Variants in SHMT1 observed in about 807,000 individuals in gnomAD.
SHMT1 encodes serine hydroxymethyltransferase 1.
Under a neutral mutation model 49.0 loss-of-function variants are expected in SHMT1, and 45 were observed. The ratio of observed to expected loss-of-function variants is 0.92; its 90% CI spans 0.72 to 1.18. SHMT1 has a LOEUF of 1.18. Among genes scored for constraint, SHMT1 ranks in the 50% most tolerant of loss-of-function variants. The pLI is 0.00. For synonymous variants in SHMT1, 232 were observed against 246.6 expected, an observed-to-expected ratio of 0.94 and a Z score of 0.55; for missense variants, 541 against 612.4, an observed-to-expected ratio of 0.88 and a Z score of 1.23.
chr17:18,334,949 C>T (rs1181424017), intron 8 of SHMT1, among the ~76,000 whole-genome samples: 1 of 152,202 alleles, frequency 6.6e-6, no homozygotes, highest in African/African-American at 2.4e-5. Context: ...AGTGCTTGTG[C>T]GTCTCCTGAG....
chr17:18,363,271 CG>C (rs1481347235), intron 1 of SHMT1, 100 bp downstream of exon 1: 2 of 151,256 alleles, frequency 1.3e-5, no homozygotes, highest in Non-Finnish European at 3.0e-5. Context: ...TGGGGTACGG[CG>C]GGGGACAGCG....
At position 18,328,403 on chromosome 17, in the gene SHMT1, G is replaced by C; in HGVS notation, c.*347C>G. ...AGCAAGGCGGAGGAAAGCCCAGGGA[G>C]AGTAAAACGCTACAATCTTTCTAAC... On this transcript the variant is annotated 3_prime_UTR_variant, in exon 12 of 12. Transcript: ENST00000316694. 1 of 340,204 alleles carries C rather than the reference G, an allele frequency of 2.9e-6. No homozygotes were observed. Among genetic ancestry groups the C allele is most frequent in the South Asian group, 2.6e-5 (1 of 38,628 alleles). 21.1% of individuals were successfully genotyped at this position (340,204 alleles called of 1,614,324 possible). A position where few individuals can be genotyped will look rare whatever the true frequency, so the allele number is the denominator to read the frequency against.
chr17:18,348,008 C>T (rs1408035595), intron 4 of SHMT1, among the ~76,000 whole-genome samples: 1 of 151,844 alleles, frequency 6.6e-6, no homozygotes, highest in Non-Finnish European at 1.5e-5. Context: ...GCAACCTCCG[C>T]CTCCCAGGTT....
chr17:18,333,774 A>C (rs1983499520), intron 8 of SHMT1, among the ~76,000 whole-genome samples: 1 of 145,088 alleles, frequency 6.9e-6, no homozygotes, highest in Admixed American at 6.9e-5. Context: ...CAGCTAAAAA[A>C]ATTTTTTATT....
intron 10 of SHMT1, 49 bp from the exon 11 acceptor site, chr17:18,329,437 G>A (rs1401121892): frequency 2.8e-6 from 4 of 1,413,476 alleles, no homozygotes; most frequent in Non-Finnish European, 4.0e-6. Flanking sequence ...TCACCACTGT[G>A]ATGGTGGTGC....
chr17:18,335,635 C>G lies in SHMT1; in HGVS notation c.855G>C (p.Leu285=). 1 of 1,613,928 alleles carries G rather than the reference C, an allele frequency of 6.2e-7. No individual in the cohort carries two copies. Among genetic ancestry groups the G allele is most frequent in the Non-Finnish European group, 8.5e-7 (1 of 1,179,928 alleles). ...AATTGATAAGAGACTCCAGGTTGTACAGAATCTCTTTGCCAGTCTTGGGAT... is the reference window on the plus strand; with the variant it reads ...AATTGATAAGAGACTCCAGGTTGTAGAGAATCTCTTTGCCAGTCTTGGGAT... ...SVDPKTGKEI[L]YNLESLINSA... is the part of the protein sequence containing the mutation. The change falls in exon 8 of 12, where the codon CTG becomes CTC. Residue 285 remains leucine, a synonymous_variant. Transcript: ENST00000316694.
In SHMT1 at chr17:18,356,020, A is replaced by C; in HGVS notation, c.-19-20T>G. 1.1e-6 allele frequency: 1 copy of C among 875,408 alleles called. No individual in the cohort carries two copies. The highest frequency in any genetic ancestry group is 1.7e-6 in the Non-Finnish European group (1 of 586,392). The allele number at this position is 875,408 out of a possible 1,614,324, so 54.2% of individuals were successfully genotyped here. A position where few individuals can be genotyped will look rare whatever the true frequency, so the allele number is the denominator to read the frequency against. On this transcript the variant is annotated intron_variant, in intron 1 of 11. Transcript: ENST00000316694. ...AGCTGCCTAAAAAAATGGGAAAAAC[A>C]TGTGTAGCTTCCAGAATTAAATTTA...
chr17:18,333,004 G>T, intron 9 of SHMT1, 162 bp downstream of exon 9: 2 of 853,338 alleles, frequency 2.3e-6, no homozygotes, highest in Non-Finnish European at 1.9e-6. Flanking sequence ...TGAGGCAGGG[G>T]GAGGCTTTCC....
At chr17:18,358,973 G>A (rs556336487) in intron 1 of SHMT1, among the ~76,000 whole-genome samples, 44 of 152,100 alleles carry the variant, frequency 2.9e-4, no homozygotes, top group African/African-American at 9.6e-4. Flanking sequence ...ATTACAGGTT[G>A]GGCTGGGCCC....
chr17:18,337,905 G>T (rs1215909339), intron 7 of SHMT1, among the ~76,000 whole-genome samples: 1 of 152,076 alleles, frequency 6.6e-6, no homozygotes, highest in East Asian at 1.9e-4. Context: ...GTGCAGTGGT[G>T]TGATCTCGGC....
chr17:18,360,108 G>T (rs968887692), intron 1 of SHMT1, among the ~76,000 whole-genome samples: 4 of 151,850 alleles, frequency 2.6e-5, no homozygotes, highest in African/African-American at 9.7e-5. Flanking sequence ...AATTAGATGG[G>T]CATAGTGGTG....
chr17:18,340,140 G>A lies in SHMT1; in HGVS notation c.717C>T (p.Gly239=), dbSNP rs541251327. Residue 239 remains glycine, a synonymous_variant, in exon 7 of 12, where the codon GGC becomes GGT. Coordinates refer to ENST00000316694, the MANE Select transcript of SHMT1 (RefSeq NM_004169.5). The surrounding 1 kb of genome is among the most constrained non-coding windows in gnomAD (Gnocchi z 4.5). ...MAHISGLVAA[G]VVPSPFEHCH... is the part of the protein sequence containing the mutation. ...AGTGTTCAAATGGGGAGGGCACCAC[G>A]CCAGCCGCCACCAGCCCGCTGATGT... 8 of 1,614,142 alleles carry A rather than the reference G, an allele frequency of 5.0e-6. No homozygotes were observed. The highest frequency in any genetic ancestry group is 2.2e-5 in the East Asian group (1 of 44,892).
intron 7 of SHMT1, among the ~76,000 whole-genome samples, chr17:18,336,124 A>T (rs1419703682): frequency 6.6e-6 from 1 of 151,992 alleles, no homozygotes; most frequent in African/African-American, 2.4e-5. Context: ...TAAAAATACA[A>T]AAATTAGCCG....
At chr17:18,359,835 A>G (rs1242792380) in intron 1 of SHMT1, among the ~76,000 whole-genome samples, 1 of 151,932 alleles carries the variant, frequency 6.6e-6, no homozygotes, top group Non-Finnish European at 1.5e-5. Flanking sequence ...AATTCCAGCT[A>G]CTCAGGAGGC....
At chr17:18,351,990 G>A (rs1208184223) in intron 3 of SHMT1, among the ~76,000 whole-genome samples, 3 of 151,918 alleles carry the variant, frequency 2.0e-5, no homozygotes, top group South Asian at 2.1e-4. Flanking sequence ...GACTACAGGC[G>A]CATGCCACCA....
rs576880829 is a variant in SHMT1 at position 18,347,370 on chromosome 17, A to T, written c.519+126T>A. ...ACCTGAGGAGTCCCCGCTGCAAGGA[A>T]ATTAAAAACGGTGCGAGGTGGGGAC... On this transcript the variant is annotated intron_variant, in intron 5 of 11. Transcript: ENST00000316694. The T allele has an allele frequency of 3.2e-4, 359 of 1,126,442 alleles. 1 individual carries two copies. In the Middle Eastern group the frequency reaches 5.7e-3, roughly 18 times the overall value. 69.8% of individuals were successfully genotyped at this position (1,126,442 alleles called of 1,614,324 possible).
chr17:18,358,588 C>A (rs1041110690), intron 1 of SHMT1, among the ~76,000 whole-genome samples: 1 of 152,024 alleles, frequency 6.6e-6, no homozygotes, highest in Non-Finnish European at 1.5e-5. Flanking sequence ...CCACAGAGTT[C>A]CTGTGAAGCT....
intron 9 of SHMT1, chr17:18,332,760 AC>A: frequency 3.2e-6 from 1 of 315,426 alleles, no homozygotes; most frequent in South Asian, 2.8e-5. Context: ...GAGCCCCTGC[AC>A]CCCCAGCTCA....
chr17:18,335,412 C>T, intron 8 of SHMT1, 147 bp downstream of exon 8: 1 of 694,480 alleles, frequency 1.4e-6, no homozygotes, highest in Non-Finnish European at 2.6e-6. Flanking sequence ...CCAGTCTCAA[C>T]CATGCCCTAC....
Sources: allele counts gnomAD v4.1 joint callset (sites outside exome capture counted in the v4.1 genomes callset), GRCh38; gene constraint gnomAD v4.1.1; non-coding constraint Gnocchi (gnomAD v3.1); transcripts MANE v1.5; gene names NCBI Gene and HGNC (gene_info 2026-07-23, HGNC 2026-07-21).